Variants in PXK observed in about 807,000 individuals in gnomAD.
PXK encodes the protein PX domain containing serine/threonine kinase like, also known as PX domain-containing protein kinase-like protein.
A neutral mutation model predicts 84.7 loss-of-function variants in PXK; 35 were observed. The observed-to-expected ratio is 0.41, with a 90% confidence interval of 0.32 to 0.55. PXK has a LOEUF of 0.55. PXK is among the 20% of genes least tolerant of loss of function. The pLI is 0.21. For synonymous variants in PXK, 253 were observed against 260.8 expected, an observed-to-expected ratio of 0.97 and a Z score of 0.29; for missense variants, 634 against 699.7, an observed-to-expected ratio of 0.91 and a Z score of 1.06.
intron 3 of PXK, among the ~76,000 whole-genome samples, chr3:58,378,513 TGTGTGTGTG>T (rs1213471327): frequency 3.6e-4 from 9 of 25,264 alleles, no homozygotes; most frequent in African/African-American, 9.7e-4. Context: ...TTTTTTTTTT[TGTGTGTGTG>T]TGTGTGTGTG....
In PXK at chr3:58,333,948, C is replaced by G. The variant is rs760302433; in HGVS notation, c.102+858C>G. ...ATAAATCTAGGAACCAGCAAGAAAC[C>G]TGGAGCTATCAGCTAGTGGGACTTT... is the stretch of plus-strand genomic sequence containing the variant. On this transcript the variant is annotated intron_variant, in intron 1 of 17. Coordinates refer to ENST00000356151, the MANE Select transcript of PXK (RefSeq NM_017771.5). The surrounding 1 kb of genome is among the most constrained non-coding windows in gnomAD (Gnocchi z 5.4). Among the ~76,000 whole-genome samples the G allele has an allele frequency of 6.6e-6, 1 of 151,828 alleles. No homozygotes were observed. The highest frequency in any genetic ancestry group is 1.5e-5 in the Non-Finnish European group (1 of 68,000).
chr3:58,420,638 A>G lies in PXK; in HGVS notation c.1529-4114A>G, dbSNP rs2061688428. ...TTTCTGTGTGTGAAATAGGACCCAA[A>G]GTGTCTCGATTGCTGAAGTGATGAA... On this transcript the variant is annotated intron_variant, in intron 17 of 17. Transcript: ENST00000356151. 4 of 1,534,176 alleles carry G rather than the reference A, an allele frequency of 2.6e-6. No individual in the cohort carries two copies. The East Asian group carries it at 9.8e-5, about 38-fold the overall frequency.
chr3:58,412,754 G>T lies in PXK; in HGVS notation c.1466-147G>T. 1 of 777,412 alleles carries T rather than the reference G, an allele frequency of 1.3e-6. No individual in the cohort carries two copies. Among genetic ancestry groups the T allele is most frequent in the Non-Finnish European group, 2.2e-6 (1 of 458,010 alleles). The allele number at this position is 777,412 out of a possible 1,614,324, so 48.2% of individuals were successfully genotyped here. ...AAGCCTGTCACTGGGTCCGGTCTCT[G>T]AGTTTTTTGTCCCTCATCATCTTGT... On this transcript the variant is annotated intron_variant, in intron 16 of 17. Transcript: ENST00000356151. This position sits in a 1 kb window ranked among gnomAD's most constrained non-coding sequence, Gnocchi z 6.2.
intron 1 of PXK, among the ~76,000 whole-genome samples, chr3:58,334,029 T>A (rs2097544383): frequency 6.6e-6 from 1 of 152,164 alleles, no homozygotes; most frequent in Non-Finnish European, 1.5e-5. Flanking sequence ...GTTTTGTCAG[T>A]CCACCGAATC....
At chr3:58,339,187 G>GT (rs1286253488) in intron 1 of PXK, among the ~76,000 whole-genome samples, 1 of 149,282 alleles carries the variant, frequency 6.7e-6, no homozygotes, top group African/African-American at 2.5e-5. Context: ...GAAGACGTTG[G>GT]TTTTTTTGTT....
intron 17 of PXK, chr3:58,422,323 C>G: frequency 1.0e-6 from 1 of 985,346 alleles, no homozygotes; most frequent in Non-Finnish European, 1.2e-6. Context: ...CTTCCTTGCC[C>G]TGGTTGTACA....
intron 1 of PXK, among the ~76,000 whole-genome samples, chr3:58,351,596 A>G (rs1384051427): frequency 1.3e-5 from 2 of 152,104 alleles, no homozygotes; most frequent in African/African-American, 4.8e-5. Flanking sequence ...GTTTTAAATT[A>G]CATGTGTAGC....
intron 17 of PXK, chr3:58,423,527 A>T: frequency 6.5e-7 from 1 of 1,535,858 alleles, no homozygotes; most frequent in Non-Finnish European, 8.7e-7. Flanking sequence ...ACTTTAACCC[A>T]TACCTGTCAC....
chr3:58,375,508 T>G (rs1032809662), intron 3 of PXK, among the ~76,000 whole-genome samples: 5 of 152,170 alleles, frequency 3.3e-5, no homozygotes, highest in Non-Finnish European at 7.3e-5. Context: ...GACAGCAGGC[T>G]CTCAGATAAC....
Position 58,395,773 on chromosome 3 carries a change from T to C in PXK, c.822+14T>C. 1.9e-6 allele frequency: 3 copies of C among 1,577,248 alleles called. No homozygotes were observed. The highest frequency in any genetic ancestry group is 1.7e-6 in the Non-Finnish European group (2 of 1,151,046). On this transcript the variant is annotated intron_variant, in intron 9 of 17. Transcript: ENST00000356151. The stretch of plus-strand genomic sequence containing the variant: ...CAAATATTAGAGGTAAGAGGTACTT[T>C]TGTTTAAGTTGCATTCAGATTTCAT...
chr3:58,340,716 ACT>A lies in PXK; in HGVS notation c.102+7629_102+7630del, dbSNP rs2097714238. On this transcript the variant is annotated intron_variant, in intron 1 of 17. Coordinates refer to ENST00000356151, the MANE Select transcript of PXK (RefSeq NM_017771.5). ...CTCCAGCCTTGGTAACAAGAGGGAAACTCTGTCTCAAAAAAAAAAAAAGTTTA... is the reference window on the plus strand; with the variant it reads ...CTCCAGCCTTGGTAACAAGAGGGAAACTGTCTCAAAAAAAAAAAAAGTTTA... 3.3e-5 allele frequency among the ~76,000 whole-genome samples: 5 copies of A among 150,274 alleles called. No individual in the cohort carries two copies. The South Asian group carries it at 1.0e-3, about 31-fold the overall frequency.
intron 16 of PXK, among the ~76,000 whole-genome samples, chr3:58,410,537 C>G (rs1440829270): frequency 6.6e-6 from 1 of 152,186 alleles, no homozygotes; most frequent in Non-Finnish European, 1.5e-5. Flanking sequence ...GCTCTGGACC[C>G]CATGTGATGG....
chr3:58,380,277 A>G (rs1006597032), intron 3 of PXK, among the ~76,000 whole-genome samples: 2 of 152,094 alleles, frequency 1.3e-5, no homozygotes, highest in Non-Finnish European at 2.9e-5. Context: ...ATCAAGAATC[A>G]TTATGATTAG....
rs1423450772 is a variant in PXK at position 58,333,810 on chromosome 3, C to G, written c.102+720C>G. 1.3e-5 allele frequency among the ~76,000 whole-genome samples: 2 copies of G among 151,914 alleles called. No individual in the cohort carries two copies. Among genetic ancestry groups the G allele is most frequent in the East Asian group, 1.9e-4 (1 of 5,174 alleles). Reference sequence around the variant, plus strand: ...CCTCATAGTAAACATTGGCAGGGTTCATTTCTGCTACATATACGGTCTTTT... The same window carrying G: ...CCTCATAGTAAACATTGGCAGGGTTGATTTCTGCTACATATACGGTCTTTT... On this transcript the variant is annotated intron_variant, in intron 1 of 17. Transcript: ENST00000356151. This position sits in a 1 kb window ranked among gnomAD's most constrained non-coding sequence, Gnocchi z 5.4.
At chr3:58,359,972 A>G (rs1289815807) in intron 1 of PXK, among the ~76,000 whole-genome samples, 3 of 152,058 alleles carry the variant, frequency 2.0e-5, no homozygotes, top group Non-Finnish European at 4.4e-5. Flanking sequence ...ACATACTGAG[A>G]CCCCGTTTCT....
intron 13 of PXK, 124 bp downstream of exon 13, chr3:58,404,034 T>C (rs2059015596): frequency 1.9e-6 from 1 of 518,370 alleles, no homozygotes; most frequent in Non-Finnish European, 3.2e-6. Context: ...AACCTAAATG[T>C]CCTACAATTA....
intron 17 of PXK, 75 bp from the exon 18 acceptor site, chr3:58,424,677 C>A: frequency 6.5e-7 from 1 of 1,544,058 alleles, no homozygotes; most frequent in Admixed American, 1.9e-5. Context: ...GTCCGTTGTG[C>A]TCAGGACTGA....
At chr3:58,355,535 G>A (rs914490907) in intron 1 of PXK, among the ~76,000 whole-genome samples, 4 of 152,184 alleles carry the variant, frequency 2.6e-5, no homozygotes, top group Non-Finnish European at 4.4e-5. Context: ...TTCAAAATAC[G>A]TTTTCCTACT....
chr3:58,369,942 C>G (rs917199258), intron 3 of PXK, among the ~76,000 whole-genome samples: 1 of 151,954 alleles, frequency 6.6e-6, no homozygotes, highest in Non-Finnish European at 1.5e-5. Context: ...TAAAGTATTC[C>G]CAAAAATAAA....
Sources: gnomAD v4.1 joint callset for allele counts (sites outside exome capture counted in the v4.1 genomes callset) on GRCh38, gnomAD v4.1.1 for gene constraint, Gnocchi (gnomAD v3.1) non-coding constraint, MANE v1.5 for transcripts, NCBI Gene and HGNC (gene_info 2026-07-23, HGNC 2026-07-21) for gene names.